The following ASAP1 variants were observed in gnomAD, a reference collection of about 807,000 sequenced individuals.
ASAP1 encodes arf-GAP with SH3 domain, ANK repeat and PH domain-containing protein 1.
Under a neutral mutation model 145.2 loss-of-function variants are expected in ASAP1, and 43 were observed. The ratio of observed to expected loss-of-function variants is 0.30; its 90% CI spans 0.23 to 0.38. The LOEUF (loss-of-function observed/expected upper bound fraction) is 0.38, where lower values mean the gene tolerates loss of function less well. Among genes scored for constraint, ASAP1 ranks in the 10% least tolerant of loss-of-function variants. ASAP1 has a pLI of 1.00. For synonymous variants in ASAP1, 546 were observed against 515.5 expected, an observed-to-expected ratio of 1.06 and a Z score of -0.80; for missense variants, 1,018 against 1,355.3, an observed-to-expected ratio of 0.75 and a Z score of 3.91.
At chr8:130,328,112 G>C (rs796928984) in intron 3 of ASAP1, among the ~76,000 whole-genome samples, 9 of 152,184 alleles carry the variant, frequency 5.9e-5, no homozygotes, top group African/African-American at 2.2e-4. Context: ...TTGAACTCTG[G>C]TGGCCAGTGT....
At chr8:130,147,946 G>T (rs542809596) in intron 13 of ASAP1, among the ~76,000 whole-genome samples, 32 of 152,332 alleles carry the variant, frequency 2.1e-4, no homozygotes, top group African/African-American at 7.5e-4. Flanking sequence ...ATCGTTGTAA[G>T]TGTTAATCAT....
intron 3 of ASAP1, 97 bp downstream of exon 3, chr8:130,357,920 G>T: frequency 1.4e-6 from 2 of 1,469,276 alleles, no homozygotes. Flanking sequence ...GGCGCCCCCG[G>T]CCCCCGCGTC....
intron 3 of ASAP1, among the ~76,000 whole-genome samples, chr8:130,290,826 G>GT (rs1821900843): frequency 6.6e-6 from 1 of 152,116 alleles, no homozygotes; most frequent in Non-Finnish European, 1.5e-5. Flanking sequence ...TTTTAGTACC[G>GT]TATCACACAG....
At chr8:130,064,335 C>T (rs1279954063) in intron 27 of ASAP1, among the ~76,000 whole-genome samples, 1 of 152,108 alleles carries the variant, frequency 6.6e-6, no homozygotes, top group Non-Finnish European at 1.5e-5. Flanking sequence ...AGTATTTGTA[C>T]AAGCACAGGA....
chr8:130,217,146 C>G (rs1816977240), intron 4 of ASAP1, among the ~76,000 whole-genome samples: 1 of 152,182 alleles, frequency 6.6e-6, no homozygotes, highest in South Asian at 2.1e-4. Flanking sequence ...ATACCACGTT[C>G]TCTTGGAAGC....
chr8:130,063,022 T>C (rs2097422672), intron 27 of ASAP1, among the ~76,000 whole-genome samples: 3 of 152,082 alleles, frequency 2.0e-5, no homozygotes, highest in Admixed American at 1.3e-4. Context: ...ATTATACTGT[T>C]GTATAATTAA....
chr8:130,426,855 C>T (rs918697298), intron 1 of ASAP1, among the ~76,000 whole-genome samples: 1 of 152,196 alleles, frequency 6.6e-6, no homozygotes, highest in African/African-American at 2.4e-5. Context: ...TTTGTCGTCT[C>T]ACACACCATC....
intron 4 of ASAP1, among the ~76,000 whole-genome samples, chr8:130,216,165 T>G (rs912831527): frequency 3.3e-5 from 5 of 152,208 alleles, no homozygotes; most frequent in African/African-American, 1.2e-4. Context: ...AAAATTCATG[T>G]GTCCTAACAG....
intron 14 of ASAP1, 52 bp from the exon 15 acceptor site, chr8:130,134,396 T>G: frequency 8.1e-7 from 1 of 1,228,432 alleles, no homozygotes. Context: ...CAGGGTACTT[T>G]CAGGTACAAC....
chr8:130,277,495 G>C (rs1456195932), intron 3 of ASAP1, among the ~76,000 whole-genome samples: 1 of 152,142 alleles, frequency 6.6e-6, no homozygotes, highest in African/African-American at 2.4e-5. Flanking sequence ...AAAATGTTTA[G>C]ACAATCCCAT....
intron 3 of ASAP1, among the ~76,000 whole-genome samples, chr8:130,281,146 T>C (rs1272550168): frequency 1.3e-5 from 2 of 152,138 alleles, no homozygotes; most frequent in East Asian, 3.9e-4. Flanking sequence ...AACAAGGTTA[T>C]TTCATCTAGA....
chr8:130,439,496 C>T (rs1053143994), intron 1 of ASAP1, among the ~76,000 whole-genome samples: 1 of 151,996 alleles, frequency 6.6e-6, no homozygotes, highest in Non-Finnish European at 1.5e-5. Context: ...ATAATAATAG[C>T]TAACATTTGT....
At chr8:130,136,314 T>C (rs1228260842) in intron 14 of ASAP1, among the ~76,000 whole-genome samples, 2 of 152,124 alleles carry the variant, frequency 1.3e-5, no homozygotes, top group Non-Finnish European at 2.9e-5. Context: ...TTACGCTCTC[T>C]CATCACAAGA....
intron 24 of ASAP1, among the ~76,000 whole-genome samples, chr8:130,092,466 A>C (rs2097507610): frequency 6.6e-6 from 1 of 152,114 alleles, no homozygotes; most frequent in African/African-American, 2.4e-5. Context: ...ATCTCTATAA[A>C]AATTTAAAAA....
intron 4 of ASAP1, among the ~76,000 whole-genome samples, chr8:130,215,719 G>T (rs1320230726): frequency 6.6e-6 from 1 of 152,034 alleles, no homozygotes; most frequent in South Asian, 2.1e-4. Flanking sequence ...ACTCCAGCCT[G>T]AGCAACAGAG....
chr8:130,239,364 GA>G (rs1240322503), intron 3 of ASAP1, among the ~76,000 whole-genome samples: 1 of 152,106 alleles, frequency 6.6e-6, no homozygotes, highest in African/African-American at 2.4e-5. Context: ...AAAGTCCTGT[GA>G]AATAAATATT....
chr8:130,349,945 T>G (rs1434113653), intron 3 of ASAP1, among the ~76,000 whole-genome samples: 2 of 152,214 alleles, frequency 1.3e-5, no homozygotes, highest in Non-Finnish European at 2.9e-5. Flanking sequence ...GACCCAGATC[T>G]GGTTTTAGTC....
intron 5 of ASAP1, among the ~76,000 whole-genome samples, chr8:130,191,167 C>T (rs139128742): frequency 3.1e-4 from 47 of 151,884 alleles, no homozygotes; most frequent in African/African-American, 1.1e-3. Context: ...TACCCAGCTG[C>T]AGAGAAGAAT....
At chr8:130,279,937 T>G (rs973032019) in intron 3 of ASAP1, among the ~76,000 whole-genome samples, 2 of 152,246 alleles carry the variant, frequency 1.3e-5, no homozygotes, top group Admixed American at 6.5e-5. Context: ...AACTAACTTT[T>G]ATAAACATCA....
Sources: allele counts gnomAD v4.1 joint callset (sites outside exome capture counted in the v4.1 genomes callset), GRCh38; gene constraint gnomAD v4.1.1; transcripts MANE v1.5; gene names NCBI Gene and HGNC (gene_info 2026-07-23, HGNC 2026-07-21).